DNAAF9: variants seen among roughly 807,000 people sequenced by gnomAD.
The protein encoded by DNAAF9 is shulin.
In DNAAF9, 90 loss-of-function variants were observed where a neutral mutation model predicts 167.0. The ratio of observed to expected loss-of-function variants is 0.54; its 90% CI spans 0.45 to 0.64. DNAAF9 has a LOEUF of 0.64. Among genes scored for constraint, DNAAF9 ranks in the 30% least tolerant of loss-of-function variants. The pLI is 0.00. For missense variants in DNAAF9, 1,315 were observed against 1,442.2 expected (o/e 0.91, Z 1.43); for synonymous variants, 491 against 508.8 (o/e 0.96, Z 0.47).
intron 22 of DNAAF9, 81 bp downstream of exon 22, chr20:3,297,948 C>T (rs936667935): frequency 2.7e-6 from 3 of 1,110,346 alleles, no homozygotes; most frequent in Non-Finnish European, 4.1e-6. Flanking sequence ...CACTGTTAGC[C>T]CCAAAATGAT....
chr20:3,325,043 T>A, intron 13 of DNAAF9, 75 bp from the exon 14 acceptor site: 1 of 831,082 alleles, frequency 1.2e-6, no homozygotes, highest in East Asian at 2.4e-5. Flanking sequence ...GGAAGGGCCC[T>A]CCTAACACTT....
At chr20:3,307,725 G>C (rs1172359564) in intron 20 of DNAAF9, among the ~76,000 whole-genome samples, 1 of 152,006 alleles carries the variant, frequency 6.6e-6, no homozygotes, top group Admixed American at 6.6e-5. Flanking sequence ...ATTGAGCTCT[G>C]TATCCCTGGA....
At chr20:3,330,948 T>C (rs1011437008) in intron 11 of DNAAF9, among the ~76,000 whole-genome samples, 2 of 152,004 alleles carry the variant, frequency 1.3e-5, no homozygotes, top group Non-Finnish European at 1.5e-5. Context: ...CACGCCACCA[T>C]GCCCCGCTAA....
chr20:3,401,266 C>T (rs907988256), intron 1 of DNAAF9, among the ~76,000 whole-genome samples: 2 of 151,994 alleles, frequency 1.3e-5, no homozygotes, highest in African/African-American at 2.4e-5. Flanking sequence ...AGTGCAGTGG[C>T]GCGATCTCAG....
intron 28 of DNAAF9, 56 bp from the exon 29 acceptor site, chr20:3,279,005 G>C (rs1005829404): frequency 7.9e-7 from 1 of 1,273,448 alleles, no homozygotes; most frequent in African/African-American, 1.5e-5. Flanking sequence ...AGTTGTCACT[G>C]ATTATTTCCC....
intron 8 of DNAAF9, among the ~76,000 whole-genome samples, chr20:3,346,530 A>C (rs923053217): frequency 1.2e-4 from 18 of 152,220 alleles, no homozygotes; most frequent in Admixed American, 2.0e-4. Context: ...AAACAAAGAA[A>C]AAAAAAAGGA....
chr20:3,264,522 T>C lies in DNAAF9; in HGVS notation c.2789A>G (p.Asn930Ser), dbSNP rs919811096. 2.1e-5 allele frequency: 31 copies of C among 1,480,286 alleles called. No homozygotes were observed. Among genetic ancestry groups the C allele is most frequent in the African/African-American group, 2.8e-5 (2 of 72,282 alleles). 91.7% of individuals were successfully genotyped at this position (1,480,286 alleles called of 1,614,324 possible). ...TGAGAGAATCAGCTCAATGTCTTCA[T>C]TCCTTTGAAAACACACAGAAAAGAC... ...ILAENGIVTR[N>S]EDIELILSEN... is the part of the protein sequence containing the mutation. Residue 930 changes from asparagine to serine, a missense_variant and splice_region_variant, in exon 31 of 37, where the codon AAT (asparagine) becomes AGT (serine). Coordinates refer to ENST00000252032, the MANE Select transcript of DNAAF9 (RefSeq NM_001009984.3).
chr20:3,304,830 T>G (rs2069260591), intron 20 of DNAAF9, among the ~76,000 whole-genome samples: 1 of 152,222 alleles, frequency 6.6e-6, no homozygotes, highest in African/African-American at 2.4e-5. Context: ...ATGGGTATCT[T>G]CCACGGAAAC....
intron 23 of DNAAF9, chr20:3,296,037 C>A: frequency 9.7e-7 from 1 of 1,035,666 alleles, no homozygotes; most frequent in Admixed American, 1.7e-5. Context: ...TGAAATTTTC[C>A]ACCCTGGTAG....
chr20:3,383,425 C>T (rs959627230), intron 1 of DNAAF9, among the ~76,000 whole-genome samples: 9 of 151,848 alleles, frequency 5.9e-5, no homozygotes, highest in African/African-American at 1.7e-4. Context: ...TGTGCCACCA[C>T]GCCCGGCTAA....
chr20:3,394,378 C>A (rs1449817925), intron 1 of DNAAF9, among the ~76,000 whole-genome samples: 1 of 150,892 alleles, frequency 6.6e-6, no homozygotes, highest in African/African-American at 2.4e-5. Context: ...CCATGTGTTG[C>A]AAATATTTTC....
Position 3,312,324 on chromosome 20 carries a change from G to A in DNAAF9, c.1678+2709C>T, listed in dbSNP as rs544668498. ...TTCTTTTCATCTGTAAGTAATTGCT[G>A]GGTGAAAAATCAGAAGACCTGTACT... On this transcript the variant is annotated intron_variant, in intron 20 of 36. Transcript: ENST00000252032. Among the ~76,000 whole-genome samples, 26 of 152,112 alleles carry A rather than the reference G, an allele frequency of 1.7e-4. 2 individuals are homozygous for A. In the South Asian group the frequency reaches 4.1e-3, roughly 24 times the overall value.
At chr20:3,373,361 T>A (rs2083534733) in intron 6 of DNAAF9, among the ~76,000 whole-genome samples, 1 of 152,156 alleles carries the variant, frequency 6.6e-6, no homozygotes, top group African/African-American at 2.4e-5. Flanking sequence ...TCAGTGGGGA[T>A]CCCATGGAGG....
chr20:3,275,595 A>G (rs1053763247), intron 29 of DNAAF9, among the ~76,000 whole-genome samples: 1 of 152,244 alleles, frequency 6.6e-6, no homozygotes, highest in African/African-American at 2.4e-5. Context: ...GATTATCCCC[A>G]GCATTCCTTA....
chr20:3,321,929 AG>A (rs1285554201), intron 16 of DNAAF9, among the ~76,000 whole-genome samples: 1 of 152,172 alleles, frequency 6.6e-6, no homozygotes, highest in Non-Finnish European at 1.5e-5. Flanking sequence ...ACCTGTAGGA[AG>A]GCTTCATAAC....
chr20:3,398,520 T>C (rs2083941333), intron 1 of DNAAF9, among the ~76,000 whole-genome samples: 1 of 151,698 alleles, frequency 6.6e-6, no homozygotes, highest in South Asian at 2.1e-4. Flanking sequence ...AAAAAAAAAA[T>C]TGGATGGATA....
At chr20:3,267,995 T>A (rs1174167146) in intron 30 of DNAAF9, among the ~76,000 whole-genome samples, 1 of 152,110 alleles carries the variant, frequency 6.6e-6, no homozygotes, top group Non-Finnish European at 1.5e-5. Context: ...GTGTGGCTGT[T>A]ATTACTTTGA....
Position 3,402,579 on chromosome 20 carries a change from CT to C in DNAAF9, c.83+4895del, listed in dbSNP as rs370700302. 0.013 allele frequency among the ~76,000 whole-genome samples: 1,900 copies of C among 146,840 alleles called. 74 individuals carry two copies. The East Asian group carries it at 0.16, about 12-fold the overall frequency. On this transcript the variant is annotated intron_variant, in intron 1 of 36. Coordinates refer to ENST00000252032, the MANE Select transcript of DNAAF9 (RefSeq NM_001009984.3). Reference sequence around the variant, plus strand: ...CTACTCTCTACTTCTATAAGATCAACTTTTTTTTTTTTTCTTGACACAGGAT... The same window carrying C: ...CTACTCTCTACTTCTATAAGATCAACTTTTTTTTTTTTCTTGACACAGGAT...
At chr20:3,388,231 CA>C (rs1322024698) in intron 1 of DNAAF9, among the ~76,000 whole-genome samples, 1 of 152,098 alleles carries the variant, frequency 6.6e-6, no homozygotes, top group Middle Eastern at 3.2e-3. Flanking sequence ...TGGCTACTAT[CA>C]AAAAACTAGA....
Sources: allele counts gnomAD v4.1 joint callset (sites outside exome capture counted in the v4.1 genomes callset), GRCh38; gene constraint gnomAD v4.1.1; transcripts MANE v1.5; gene names NCBI Gene and HGNC (gene_info 2026-07-23, HGNC 2026-07-21).